The following PRORP variants were observed in gnomAD, a reference collection of about 807,000 sequenced individuals.
The protein encoded by PRORP is mitochondrial ribonuclease P catalytic subunit.
A neutral mutation model predicts 59.4 loss-of-function variants in PRORP; 51 were observed. That is an observed-to-expected ratio of 0.86 (90% CI 0.69 to 1.08). PRORP has a LOEUF of 1.08. PRORP is among the 50% of genes least tolerant of loss of function. The pLI is 0.00. For synonymous variants in PRORP, 231 were observed against 245.6 expected, an observed-to-expected ratio of 0.94 and a Z score of 0.55; for missense variants, 646 against 690.3, an observed-to-expected ratio of 0.94 and a Z score of 0.72.
intron 5 of PRORP, among the ~76,000 whole-genome samples, chr14:35,232,782 C>T (rs868178693): frequency 5.3e-5 from 8 of 152,166 alleles, no homozygotes; most frequent in Non-Finnish European, 4.4e-5. Context: ...AAGTGATTCT[C>T]CTGCCTCAGC....
chr14:35,178,278 G>A (rs148311010), intron 4 of PRORP, among the ~76,000 whole-genome samples: 1,908 of 152,252 alleles, frequency 0.013, 37 homozygotes, highest in African/African-American at 0.041. Flanking sequence ...GCCGAGCTGA[G>A]TTCAATTCCT....
At chr14:35,246,866 T>C (rs574585851) in intron 5 of PRORP, among the ~76,000 whole-genome samples, 29 of 152,192 alleles carry the variant, frequency 1.9e-4, no homozygotes, top group Non-Finnish European at 4.1e-4. Context: ...TTTTGCTCTT[T>C]CTTTGTTTTG....
rs559548899 is a variant in PRORP at position 35,233,952 on chromosome 14, C to G, written c.1276-32775C>G. 2.0e-5 allele frequency among the ~76,000 whole-genome samples: 3 copies of G among 152,244 alleles called. No homozygotes were observed. In the South Asian group the frequency reaches 6.2e-4, roughly 32 times the overall value. On this transcript the variant is annotated intron_variant, in intron 5 of 7. Coordinates refer to ENST00000534898, the MANE Select transcript of PRORP (RefSeq NM_014672.4). Reference sequence around the variant, plus strand: ...ATTCCATTATAATATTTTCTTGCTTCGTGACTCTGCTCAGTCCTCTTAAGT... The same window carrying G: ...ATTCCATTATAATATTTTCTTGCTTGGTGACTCTGCTCAGTCCTCTTAAGT...
intron 5 of PRORP, chr14:35,235,281 C>T: frequency 1.4e-6 from 1 of 691,988 alleles, no homozygotes; most frequent in Non-Finnish European, 2.7e-6. Flanking sequence ...TGGCGGATTT[C>T]ATCATATCTG....
At chr14:35,233,458 A>G (rs1421775104) in intron 5 of PRORP, among the ~76,000 whole-genome samples, 1 of 145,620 alleles carries the variant, frequency 6.9e-6, no homozygotes, top group Non-Finnish European at 1.5e-5. Flanking sequence ...CTAATTTCCT[A>G]TAGTAAAATC....
chr14:35,156,693 CTTGA>C (rs1215569948), intron 4 of PRORP, among the ~76,000 whole-genome samples: 1 of 152,126 alleles, frequency 6.6e-6, no homozygotes, highest in Non-Finnish European at 1.5e-5. Context: ...AAATGCTTAT[CTTGA>C]TTATTTAACC....
chr14:35,267,589 C>T (rs1198404490), intron 6 of PRORP, among the ~76,000 whole-genome samples: 2 of 152,080 alleles, frequency 1.3e-5, no homozygotes, highest in African/African-American at 4.8e-5. Context: ...CAAGACCATC[C>T]TGGCTAACGG....
At chr14:35,233,498 A>T (rs2050134189) in intron 5 of PRORP, among the ~76,000 whole-genome samples, 1 of 149,644 alleles carries the variant, frequency 6.7e-6, no homozygotes, top group African/African-American at 2.5e-5. Context: ...ACAATTGCCA[A>T]CGTGCAATCC....
chr14:35,216,103 T>TATATATTTATATATAATATATA (rs1555329122), intron 5 of PRORP, among the ~76,000 whole-genome samples: 1 of 137,486 alleles, frequency 7.3e-6, no homozygotes, highest in Non-Finnish European at 1.5e-5. Flanking sequence ...TACATATATG[T>TATATATTTATATATAATATATA]ATATATTTAT....
rs1181860642 is a variant in PRORP at position 35,263,989 on chromosome 14, G to A, written c.1276-2738G>A. Among the ~76,000 whole-genome samples, 3 of 151,910 alleles carry A rather than the reference G, an allele frequency of 2.0e-5. No individual in the cohort carries two copies. The East Asian group carries it at 5.8e-4, about 29-fold the overall frequency. The stretch of plus-strand genomic sequence containing the variant: ...AGATGGTGTCTCACTCTGTTGCCCA[G>A]GATTGCAGTGGTACGATTGTAGCTC... On this transcript the variant is annotated intron_variant, in intron 5 of 7. Coordinates refer to ENST00000534898, the MANE Select transcript of PRORP (RefSeq NM_014672.4).
intron 5 of PRORP, among the ~76,000 whole-genome samples, chr14:35,256,316 T>C (rs1394885113): frequency 1.5e-5 from 2 of 137,704 alleles, no homozygotes; most frequent in Non-Finnish European, 3.1e-5. Flanking sequence ...AAAAAAGAAA[T>C]TGTGCGTATC....
chr14:35,140,774 G>C (rs12888766), intron 4 of PRORP, among the ~76,000 whole-genome samples: 32,857 of 144,892 alleles, frequency 0.23, 7,538 homozygotes, highest in Non-Finnish European at 0.32. Flanking sequence ...GTGAGATTTT[G>C]AGGAAACTTA....
At chr14:35,256,283 C>T (rs1291876592) in intron 5 of PRORP, among the ~76,000 whole-genome samples, 2 of 70,736 alleles carry the variant, frequency 2.8e-5, no homozygotes, top group South Asian at 1.2e-3. Context: ...GACTCTGTCT[C>T]AAAATCTCAA....
intron 5 of PRORP, among the ~76,000 whole-genome samples, chr14:35,197,223 G>C (rs1030778519): frequency 3.7e-4 from 56 of 152,164 alleles, no homozygotes; most frequent in African/African-American, 1.3e-3. Context: ...AGATTGTCTC[G>C]TGAGTCATTA....
At chr14:35,203,850 G>C (rs559277573) in intron 5 of PRORP, among the ~76,000 whole-genome samples, 10 of 152,256 alleles carry the variant, frequency 6.6e-5, no homozygotes, top group African/African-American at 2.4e-4. Flanking sequence ...GGGCGACAGC[G>C]AGACTCCATC....
At chr14:35,201,219 A>G (rs1187567286) in intron 5 of PRORP, among the ~76,000 whole-genome samples, 2 of 152,326 alleles carry the variant, frequency 1.3e-5, no homozygotes, top group East Asian at 1.9e-4. Context: ...TCACCTGGCT[A>G]AGGAAGTTTT....
chr14:35,266,993 A>T (rs2051058639), intron 6 of PRORP, 118 bp downstream of exon 6: 6 of 220,670 alleles, frequency 2.7e-5, no homozygotes, highest in Non-Finnish European at 2.6e-5. Context: ...CACCCTCATT[A>T]AAAAAAAAAA....
At chr14:35,188,344 C>T (rs1266358515) in intron 5 of PRORP, among the ~76,000 whole-genome samples, 3 of 151,680 alleles carry the variant, frequency 2.0e-5, no homozygotes, top group Admixed American at 6.6e-5. Context: ...GCGTGCACCA[C>T]TATGGCTGGC....
intron 5 of PRORP, among the ~76,000 whole-genome samples, chr14:35,215,179 T>C (rs1420553850): frequency 1.3e-5 from 2 of 152,094 alleles, no homozygotes; most frequent in Non-Finnish European, 2.9e-5. Context: ...GACTTAATAT[T>C]CTCTAAAGAT....
Sources: allele counts gnomAD v4.1 joint callset (sites outside exome capture counted in the v4.1 genomes callset), GRCh38; gene constraint gnomAD v4.1.1; transcripts MANE v1.5; gene names NCBI Gene and HGNC (gene_info 2026-07-23, HGNC 2026-07-21).